Variants in CDH18 observed in about 807,000 individuals in gnomAD.
The protein encoded by CDH18 is cadherin-18.
Under a neutral mutation model 67.9 loss-of-function variants are expected in CDH18, and 31 were observed. That is an observed-to-expected ratio of 0.46 (90% CI 0.34 to 0.62). The LOEUF is 0.62. Among genes scored for constraint, CDH18 ranks in the 20% least tolerant of loss-of-function variants. The pLI is 0.01. For synonymous variants in CDH18, 362 were observed against 347.2 expected (o/e 1.04, Z -0.48); for missense variants, 890 against 975.5 (o/e 0.91, Z 1.17).
At position 20,148,951 on chromosome 5, in the gene CDH18, A is replaced by G. The variant is rs145033789; in HGVS notation, c.-518+106493T>C. ...CATAAGACTTTCACTCATATTCCAT[A>G]TGCTAGAACTTTGTCTCAGTGCAAT... On this transcript the variant is annotated intron_variant, in intron 2 of 14. Coordinates refer to the CDH18 transcript ENST00000507958. 1.9e-3 allele frequency among the ~76,000 whole-genome samples: 291 copies of G among 152,210 alleles called. 1 individual carries two copies. Among genetic ancestry groups the G allele is most frequent in the African/African-American group, 6.6e-3 (274 of 41,542 alleles).
At chr5:20,564,076 T>C (rs1010775816) in intron 1 of CDH18, among the ~76,000 whole-genome samples, 1 of 151,968 alleles carries the variant, frequency 6.6e-6, no homozygotes, top group African/African-American at 2.4e-5. Flanking sequence ...ACAACATCCA[T>C]TTTCCTTAGC....
rs568766543 is a variant in CDH18 at position 20,282,879 on chromosome 5, C to T, written c.-579-27374G>A. Among the ~76,000 whole-genome samples the T allele has an allele frequency of 3.4e-3, 522 of 151,980 alleles. 4 individuals carry two copies. Among genetic ancestry groups the T allele is most frequent in the Non-Finnish European group, 5.3e-3 (362 of 67,948 alleles). ...CTGACTTCAAATTATACCACAAAGC[C>T]ATAGTAACAAAAAGAACATGATACT... On this transcript the variant is annotated intron_variant, in intron 1 of 14. Coordinates refer to the CDH18 transcript ENST00000507958.
intron 1 of CDH18, among the ~76,000 whole-genome samples, chr5:20,337,664 A>G (rs1381624834): frequency 6.6e-6 from 1 of 152,228 alleles, no homozygotes; most frequent in Non-Finnish European, 1.5e-5. Context: ...GTCTCTAGAA[A>G]GGTCCAAACA....
intron 2 of CDH18, among the ~76,000 whole-genome samples, chr5:19,914,101 C>CT: frequency 6.6e-6 from 1 of 151,948 alleles, no homozygotes. Context: ...ATTTTGTTTC[C>CT]TTTTTGAGAT....
At chr5:20,129,437 T>C (rs1749087871) in intron 2 of CDH18, among the ~76,000 whole-genome samples, 1 of 152,104 alleles carries the variant, frequency 6.6e-6, no homozygotes, top group African/African-American at 2.4e-5. Context: ...ATTAATATGC[T>C]GCATGAATCC....
At chr5:19,929,430 A>C (rs1313420278) in intron 2 of CDH18, among the ~76,000 whole-genome samples, 1 of 152,080 alleles carries the variant, frequency 6.6e-6, no homozygotes, top group Non-Finnish European at 1.5e-5. Flanking sequence ...TTCTGTGCAA[A>C]ATTAGTGCAA....
intron 8 of CDH18, among the ~76,000 whole-genome samples, chr5:19,550,485 T>C (rs1194408107): frequency 6.6e-6 from 1 of 150,540 alleles, no homozygotes; most frequent in Non-Finnish European, 1.5e-5. Context: ...CATTGTTCAA[T>C]TCCAACCTAT....
chr5:20,243,566 C>A (rs114870372), intron 2 of CDH18, among the ~76,000 whole-genome samples: 4,085 of 152,148 alleles, frequency 0.027, 201 homozygotes, highest in African/African-American at 0.093. Context: ...TCTATGTTAT[C>A]ATCTAGCTCG....
chr5:19,849,109 T>A (rs116679700), intron 2 of CDH18, among the ~76,000 whole-genome samples: 1,621 of 152,176 alleles, frequency 0.011, 38 homozygotes, highest in African/African-American at 0.037. Flanking sequence ...AATAGCTCTG[T>A]CTTCAAATTT....
intron 1 of CDH18, among the ~76,000 whole-genome samples, chr5:20,517,940 A>C (rs1384557281): frequency 1.3e-5 from 2 of 152,070 alleles, no homozygotes; most frequent in African/African-American, 4.8e-5. Flanking sequence ...GAATCAGATA[A>C]TGGAACAGGT....
intron 5 of CDH18, among the ~76,000 whole-genome samples, chr5:19,658,954 G>T (rs1035125767): frequency 6.6e-6 from 1 of 151,908 alleles, no homozygotes; most frequent in Non-Finnish European, 1.5e-5. Flanking sequence ...ATACACCATG[G>T]AATACTATGC....
intron 1 of CDH18, among the ~76,000 whole-genome samples, chr5:20,408,946 C>T (rs538280712): frequency 8.6e-5 from 13 of 151,758 alleles, no homozygotes; most frequent in African/African-American, 3.1e-4. Flanking sequence ...TTAGACTTTA[C>T]GTTAAAAACA....
intron 1 of CDH18, among the ~76,000 whole-genome samples, chr5:20,377,264 T>A (rs1743532879): frequency 6.6e-6 from 1 of 152,248 alleles, no homozygotes; most frequent in Non-Finnish European, 1.5e-5. Flanking sequence ...ATACCATAAT[T>A]CATGTATGTA....
intron 1 of CDH18, among the ~76,000 whole-genome samples, chr5:20,301,496 A>T (rs1580702705): frequency 6.6e-6 from 1 of 151,944 alleles, no homozygotes; most frequent in African/African-American, 2.4e-5. Flanking sequence ...ATTGGAAAAG[A>T]CCTCCCCATC....
intron 2 of CDH18, among the ~76,000 whole-genome samples, chr5:20,085,615 T>C (rs566131633): frequency 2.6e-5 from 4 of 152,296 alleles, no homozygotes; most frequent in South Asian, 4.1e-4. Flanking sequence ...AGAAAGAGGT[T>C]TAATTGGACT....
chr5:20,253,330 A>G (rs1380393361), intron 2 of CDH18, among the ~76,000 whole-genome samples: 1 of 152,176 alleles, frequency 6.6e-6, no homozygotes, highest in African/African-American at 2.4e-5. Flanking sequence ...CAGCAGAATA[A>G]TTCTGGAAAT....
intron 1 of CDH18, among the ~76,000 whole-genome samples, chr5:20,431,803 A>G (rs1274488431): frequency 6.6e-6 from 1 of 152,126 alleles, no homozygotes; most frequent in Non-Finnish European, 1.5e-5. Context: ...CTTCAAATAA[A>G]CTTCATTAAA....
rs573808109 is a variant in CDH18, at chr5:19,538,924, A to T, written c.1390+4945T>A. ...TCTTCAGAAACGGTACATTAAGAAG[A>T]TTTTTAAAAATCCCATTTGAAAAAG... is the stretch of plus-strand genomic sequence containing the variant. On this transcript the variant is annotated intron_variant, in intron 9 of 12. Transcript: ENST00000382275. Among the ~76,000 whole-genome samples the T allele has an allele frequency of 3.3e-5, 5 of 152,306 alleles. No individual in the cohort carries two copies. In the East Asian group the frequency reaches 9.6e-4, roughly 29 times the overall value.
intron 2 of CDH18, among the ~76,000 whole-genome samples, chr5:19,944,177 T>C (rs1229391809): frequency 6.6e-6 from 1 of 152,128 alleles, no homozygotes; most frequent in Non-Finnish European, 1.5e-5. Context: ...TCCTCTGGTT[T>C]AGTAATGGAA....
Sources: allele counts gnomAD v4.1 joint callset (sites outside exome capture counted in the v4.1 genomes callset), GRCh38; gene constraint gnomAD v4.1.1; transcripts MANE v1.5; gene names NCBI Gene and HGNC (gene_info 2026-07-23, HGNC 2026-07-21).